Variants in SEL1L3 observed in about 807,000 individuals in gnomAD.
SEL1L3 encodes SEL1L family member 3, also known as protein sel-1 homolog 3.
SEL1L3 carries 76 observed loss-of-function variants against 142.8 expected under a neutral mutation model. That is an observed-to-expected ratio of 0.53 (90% confidence interval 0.44 to 0.64). SEL1L3 has a LOEUF of 0.64. SEL1L3 is among the 30% of genes least tolerant of loss of function. The pLI, the probability that SEL1L3 is intolerant of heterozygous loss-of-function variation, is 0.00. For synonymous variants in SEL1L3, 504 were observed against 519.6 expected (o/e 0.97, Z 0.41); for missense variants, 1,262 against 1,381.7 (o/e 0.91, Z 1.37).
rs971618783 is a variant in SEL1L3 at position 25,757,926 on chromosome 4, A to C, written c.3084-136T>G. The stretch of plus-strand genomic sequence containing the variant: ...AGCACACTCAACTGACAAAGATGAG[A>C]GACAAAGAAATAAAGCCAGTGGCCA... On this transcript the variant is annotated intron_variant, in intron 21 of 23. Transcript: ENST00000399878. The C allele has an allele frequency of 3.4e-5, 22 of 650,458 alleles. No individual in the cohort carries two copies. The African/African-American group carries it at 3.5e-4, about 10-fold the overall frequency. The allele number at this position is 650,458 out of a possible 1,614,324, so 40.3% of individuals were successfully genotyped here.
chr4:25,722,639 T>TTTTTTTTTTTTTTTG, the SEL1L3 span, among the ~76,000 whole-genome samples: 3 of 150,190 alleles, frequency 2.0e-5, no homozygotes, highest in African/African-American at 7.4e-5. Flanking sequence ...TTTTTTTTTT[T>TTTTTTTTTTTTTTTG]AGAGATAGGG....
intron 6 of SEL1L3, among the ~76,000 whole-genome samples, chr4:25,829,665 C>T (rs911508510): frequency 1.3e-5 from 2 of 152,190 alleles, no homozygotes; most frequent in Non-Finnish European, 1.5e-5. Context: ...TCAATAGTTG[C>T]ATACATTTCA....
At chr4:25,734,498 A>G in the SEL1L3 span, among the ~76,000 whole-genome samples, 3 of 152,306 alleles carry the variant, frequency 2.0e-5, no homozygotes, top group Admixed American at 6.5e-5. Flanking sequence ...CCTGAGATAA[A>G]CTACACTAGA....
At chr4:25,763,237 G>C (rs1190676850) in intron 20 of SEL1L3, among the ~76,000 whole-genome samples, 1 of 151,428 alleles carries the variant, frequency 6.6e-6, no homozygotes, top group African/African-American at 2.4e-5. Context: ...ATGACCTAAG[G>C]GAGTTTATTT....
chr4:25,835,253 C>T lies in SEL1L3; in HGVS notation c.804G>A (p.Pro268=), dbSNP rs575401618. Residue 268 remains proline, a synonymous_variant, in exon 3 of 24, where the codon CCG becomes CCA. Coordinates refer to ENST00000399878, the MANE Select transcript of SEL1L3 (RefSeq NM_015187.5). ...CCTCCAGCTCTCGGTTCCGAAACCT[C>T]GGGAACTTCTTGACAATGCCTGTGT... is the stretch of plus-strand genomic sequence containing the variant. ...GENTGIVKKF[P]RFRNRELEAT... 11 of 1,614,004 alleles carry T rather than the reference C, an allele frequency of 6.8e-6. No homozygotes were observed. The highest frequency in any genetic ancestry group is 6.7e-5 in the East Asian group (3 of 44,882).
chr4:25,813,552 G>A (rs1226663410), intron 9 of SEL1L3, among the ~76,000 whole-genome samples: 5 of 152,174 alleles, frequency 3.3e-5, no homozygotes, highest in African/African-American at 9.7e-5. Flanking sequence ...GGCTCCCAGG[G>A]TTTGGGATGG....
chr4:25,739,079 C>A, the SEL1L3 span, among the ~76,000 whole-genome samples: 2 of 151,802 alleles, frequency 1.3e-5, no homozygotes, highest in African/African-American at 2.4e-5. Flanking sequence ...ATGGTGGGGG[C>A]ACACCTGTAA....
At chr4:25,774,335 C>T (rs1719449399) in intron 17 of SEL1L3, among the ~76,000 whole-genome samples, 1 of 152,148 alleles carries the variant, frequency 6.6e-6, no homozygotes, top group Non-Finnish European at 1.5e-5. Flanking sequence ...TTTAAATGTA[C>T]TCAGTAAAAT....
chr4:25,731,467 G>T, the SEL1L3 span, among the ~76,000 whole-genome samples: 1 of 152,164 alleles, frequency 6.6e-6, no homozygotes, highest in Admixed American at 6.5e-5. Flanking sequence ...ATCACACCCA[G>T]AAGTTTGAAA....
At chr4:25,821,161 A>G (rs1195729419) in intron 7 of SEL1L3, among the ~76,000 whole-genome samples, 2 of 152,198 alleles carry the variant, frequency 1.3e-5, no homozygotes, top group African/African-American at 4.8e-5. Context: ...ACAAATGACT[A>G]TTTCATTTTT....
rs1000538212 is a variant in SEL1L3, at chr4:25,862,939, C to T, written c.-103G>A. On this transcript the variant is annotated 5_prime_UTR_variant, in exon 1 of 24. Coordinates refer to ENST00000399878, the MANE Select transcript of SEL1L3 (RefSeq NM_015187.5). Reference sequence around the variant, plus strand: ...GCCCGCCCCCGGCCGGGCCGGCCGCCGCGCGCGGGGCCACCTGCCGCCACC... The same window carrying T: ...GCCCGCCCCCGGCCGGGCCGGCCGCTGCGCGCGGGGCCACCTGCCGCCACC... 422 of 846,364 alleles carry T rather than the reference C, an allele frequency of 5.0e-4. 1 individual carries two copies. The highest frequency in any genetic ancestry group is 5.7e-4 in the Non-Finnish European group (402 of 705,308). 52.4% of individuals were successfully genotyped at this position (846,364 alleles called of 1,614,324 possible).
chr4:25,823,752 G>A (rs550460523), intron 6 of SEL1L3, among the ~76,000 whole-genome samples: 1 of 152,238 alleles, frequency 6.6e-6, no homozygotes, highest in East Asian at 1.9e-4. Context: ...GTGTCAGGCA[G>A]GCTGCCAGGA....
chr4:25,718,862 T>C, the SEL1L3 span: 3 of 152,100 alleles, frequency 2.0e-5, no homozygotes, highest in Non-Finnish European at 4.4e-5. Flanking sequence ...GATCAGGAGG[T>C]TAATAGCTCT....
In SEL1L3 at chr4:25,822,081, A is replaced by G. The variant is rs765545080; in HGVS notation, c.1205T>C (p.Ile402Thr). The change falls in exon 7 of 24, where the codon ATT (isoleucine) becomes ACT (threonine). Residue 402 changes from isoleucine (I) to threonine (T), a missense_variant. Physicochemically the swap from Ile to Thr is moderately conservative, Grantham distance 89. Coordinates refer to ENST00000399878, the MANE Select transcript of SEL1L3 (RefSeq NM_015187.5). ...GCCAGCCACATACCTGCTCCCTCCA[A>G]TAATGAAGTACCCAGCTGTGTCATT... ...HYNDTAGYFI[I>T]GGSRYVAGIE... 5 of 1,613,872 alleles carry G rather than the reference A, an allele frequency of 3.1e-6. No homozygotes were observed. The highest frequency in any genetic ancestry group is 2.2e-5 in the East Asian group (1 of 44,894).
At chr4:25,729,119 T>C in the SEL1L3 span, among the ~76,000 whole-genome samples, 1 of 152,120 alleles carries the variant, frequency 6.6e-6, no homozygotes, top group Admixed American at 6.5e-5. Flanking sequence ...ATTAACCTCT[T>C]GATGCCAAGG....
chr4:25,733,031 C>G, the SEL1L3 span, among the ~76,000 whole-genome samples: 1 of 151,860 alleles, frequency 6.6e-6, no homozygotes, highest in African/African-American at 2.4e-5. Context: ...CAGGCATGAG[C>G]CACTGCGCCT....
intron 5 of SEL1L3, among the ~76,000 whole-genome samples, chr4:25,831,612 G>A (rs776337783): frequency 1.3e-5 from 2 of 150,798 alleles, no homozygotes; most frequent in African/African-American, 2.4e-5. Flanking sequence ...TGCAACCTCC[G>A]CCTCCCGGAT....
chr4:25,720,585 G>A, the SEL1L3 span: 5 of 152,146 alleles, frequency 3.3e-5, no homozygotes, highest in African/African-American at 7.2e-5. Context: ...ACCAGGCAGC[G>A]GCTTCAAAGG....
At chr4:25,740,790 T>C in the SEL1L3 span, among the ~76,000 whole-genome samples, 2 of 152,224 alleles carry the variant, frequency 1.3e-5, no homozygotes, top group African/African-American at 2.4e-5. Flanking sequence ...TTTTCTTTTT[T>C]CTTTTTTTTC....
Sources: gnomAD v4.1 joint callset for allele counts (sites outside exome capture counted in the v4.1 genomes callset) on GRCh38, gnomAD v4.1.1 for gene constraint, MANE v1.5 for transcripts, NCBI Gene and HGNC (gene_info 2026-07-23, HGNC 2026-07-21) for gene names.